Variants in MRPS28 observed in about 807,000 individuals in gnomAD.
MRPS28 encodes the protein mitochondrial ribosomal protein S28, also known as small ribosomal subunit protein bS1m.
In MRPS28, 7 loss-of-function variants were observed where a neutral mutation model predicts 10.8. The ratio of observed to expected loss-of-function variants is 0.65; its 90% confidence interval spans 0.37 to 1.22. MRPS28 has a LOEUF of 1.22. MRPS28 is among the 50% of genes most tolerant of loss of function. MRPS28 has a pLI of 0.02. For synonymous variants in MRPS28, 121 were observed against 93.3 expected (o/e 1.30, Z -1.71); for missense variants, 265 against 232.9 (o/e 1.14, Z -0.90).
At chr8:79,967,315 G>A (rs1807527324) in intron 2 of MRPS28, among the ~76,000 whole-genome samples, 1 of 152,102 alleles carries the variant, frequency 6.6e-6, no homozygotes, top group Non-Finnish European at 1.5e-5. Context: ...TCTCTAGTCT[G>A]CATGGCATAT....
At chr8:79,988,379 A>C (rs73255902) in intron 2 of MRPS28, among the ~76,000 whole-genome samples, 1 of 151,724 alleles carries the variant, frequency 6.6e-6, no homozygotes, top group Non-Finnish European at 1.5e-5. Context: ...GTATGTAACT[A>C]ACCTGCACAT....
At chr8:79,920,615 C>G (rs530380430) in intron 2 of MRPS28, among the ~76,000 whole-genome samples, 1 of 152,162 alleles carries the variant, frequency 6.6e-6, no homozygotes, top group East Asian at 1.9e-4. Flanking sequence ...TGTTCATATC[C>G]TTCATCCACT....
intron 2 of MRPS28, among the ~76,000 whole-genome samples, chr8:79,983,662 GAAAGGGTAT>G (rs1808050624): frequency 6.6e-6 from 1 of 152,182 alleles, no homozygotes; most frequent in African/African-American, 2.4e-5. Flanking sequence ...TCAACTGGAA[GAAAGGGTAT>G]CAGTGATGGA....
intron 2 of MRPS28, among the ~76,000 whole-genome samples, chr8:79,954,134 T>G (rs1807145398): frequency 6.6e-6 from 1 of 152,088 alleles, no homozygotes; most frequent in Non-Finnish European, 1.5e-5. Flanking sequence ...TCTCAGCTAT[T>G]TGGGAGGCTG....
At chr8:79,989,500 GAAT>G (rs1231369867) in intron 2 of MRPS28, among the ~76,000 whole-genome samples, 1 of 152,094 alleles carries the variant, frequency 6.6e-6, no homozygotes, top group African/African-American at 2.4e-5. Context: ...TCCTGAAGTT[GAAT>G]AATAAGAATA....
intron 2 of MRPS28, among the ~76,000 whole-genome samples, chr8:79,986,813 G>A (rs1290743888): frequency 4.0e-5 from 6 of 151,826 alleles, no homozygotes; most frequent in Admixed American, 6.6e-5. Context: ...ATGCTCATGG[G>A]TAGGAAGAAT....
At chr8:79,985,115 G>A (rs568129024) in intron 2 of MRPS28, among the ~76,000 whole-genome samples, 15 of 152,214 alleles carry the variant, frequency 9.9e-5, no homozygotes, top group Admixed American at 2.6e-4. Context: ...CTCAGGATTA[G>A]GAAACTCACT....
chr8:79,945,884 T>C (rs973459396), intron 2 of MRPS28, among the ~76,000 whole-genome samples: 1 of 152,208 alleles, frequency 6.6e-6, no homozygotes, highest in South Asian at 2.1e-4. Context: ...ACATTTAATA[T>C]GTGCCAAATA....
chr8:79,946,276 C>T (rs544153376), intron 2 of MRPS28, among the ~76,000 whole-genome samples: 4 of 152,162 alleles, frequency 2.6e-5, no homozygotes, highest in Non-Finnish European at 5.9e-5. Context: ...TCTCATCCTT[C>T]TAAAAATCAT....
chr8:80,007,836 G>A (rs1384274023), intron 1 of MRPS28, among the ~76,000 whole-genome samples: 1 of 152,158 alleles, frequency 6.6e-6, no homozygotes, highest in Non-Finnish European at 1.5e-5. Context: ...TCATGAAAAT[G>A]GCCATACTGC....
chr8:80,022,873 T>A, intron 1 of MRPS28, among the ~76,000 whole-genome samples: 1 of 152,132 alleles, frequency 6.6e-6, no homozygotes, highest in East Asian at 1.9e-4. Context: ...CTCCAAATAG[T>A]GAAAAACCTA....
chr8:79,984,972 A>C (rs527810280), intron 2 of MRPS28, among the ~76,000 whole-genome samples: 131 of 152,200 alleles, frequency 8.6e-4, no homozygotes, highest in African/African-American at 2.8e-3. Flanking sequence ...CAGAATATAC[A>C]TTTTTTTCAG....
chr8:79,930,214 G>T (rs765763309), intron 2 of MRPS28, among the ~76,000 whole-genome samples: 2 of 152,200 alleles, frequency 1.3e-5, no homozygotes, highest in Non-Finnish European at 2.9e-5. Flanking sequence ...CAGATAGGAG[G>T]ATCACTTAAT....
chr8:79,966,607 A>G (rs1267180725), intron 2 of MRPS28, among the ~76,000 whole-genome samples: 1 of 152,140 alleles, frequency 6.6e-6, no homozygotes, highest in Admixed American at 6.6e-5. Flanking sequence ...GGAATCTAGA[A>G]AACGGTATGA....
chr8:79,927,128 G>A (rs1440538807), intron 2 of MRPS28, among the ~76,000 whole-genome samples: 1 of 152,150 alleles, frequency 6.6e-6, no homozygotes, highest in Non-Finnish European at 1.5e-5. Flanking sequence ...AGCTATGACA[G>A]GGCAAAATTG....
At chr8:79,964,022 T>C (rs1224258741) in intron 2 of MRPS28, among the ~76,000 whole-genome samples, 1 of 152,148 alleles carries the variant, frequency 6.6e-6, no homozygotes, top group Non-Finnish European at 1.5e-5. Context: ...ATTGTTCTTT[T>C]GTTTTTCTCT....
intron 2 of MRPS28, among the ~76,000 whole-genome samples, chr8:79,923,903 G>A (rs1810162580): frequency 6.6e-6 from 1 of 152,140 alleles, no homozygotes. Context: ...TAAGGGCATG[G>A]TTTAAAGACT....
intron 2 of MRPS28, among the ~76,000 whole-genome samples, chr8:79,941,765 G>A (rs371103024): frequency 2.0e-5 from 3 of 152,314 alleles, no homozygotes; most frequent in Admixed American, 6.5e-5. Context: ...TGTAATGAAA[G>A]AGAAAACTGT....
At chr8:79,974,540 C>CAAAA (rs1807737784) in intron 2 of MRPS28, among the ~76,000 whole-genome samples, 1 of 143,642 alleles carries the variant, frequency 7.0e-6, no homozygotes, top group South Asian at 2.2e-4. Flanking sequence ...GACTCTGTCT[C>CAAAA]AAAAACAAAA....
Sources: gnomAD v4.1 joint callset for allele counts (sites outside exome capture counted in the v4.1 genomes callset) on GRCh38, gnomAD v4.1.1 for gene constraint, MANE v1.5 for transcripts, NCBI Gene and HGNC (gene_info 2026-07-23, HGNC 2026-07-21) for gene names.